Variants in COG7 observed in about 807,000 individuals in gnomAD.
COG7 encodes conserved oligomeric Golgi complex subunit 7.
Under a neutral mutation model 91.5 loss-of-function variants are expected in COG7, and 49 were observed. That is an observed-to-expected ratio of 0.54 (90% CI 0.43 to 0.68). The LOEUF is 0.68. Ranked by LOEUF, COG7 falls within the 30% of genes least tolerant of loss-of-function variation. The pLI is 0.00. For missense variants in COG7, 895 were observed against 961.3 expected (o/e 0.93, Z 0.91); for synonymous variants, 365 against 388.7 (o/e 0.94, Z 0.72).
At chr16:23,449,839 T>C (rs1964240423) in intron 1 of COG7, among the ~76,000 whole-genome samples, 1 of 151,674 alleles carries the variant, frequency 6.6e-6, no homozygotes, top group African/African-American at 2.4e-5. Context: ...AAGGAAAGCA[T>C]TGCAACCCAT....
At chr16:23,398,887 C>G (rs1032241031) in intron 13 of COG7, among the ~76,000 whole-genome samples, 1 of 152,170 alleles carries the variant, frequency 6.6e-6, no homozygotes, top group African/African-American at 2.4e-5. Context: ...GTTGTGGAAG[C>G]CTTCCCAGCA....
At chr16:23,427,484 A>G (rs563694830) in intron 6 of COG7, among the ~76,000 whole-genome samples, 227 of 152,108 alleles carry the variant, frequency 1.5e-3, no homozygotes, top group Non-Finnish European at 2.4e-3. Flanking sequence ...AAAAGAAAAA[A>G]AAAAAACAAA....
At position 23,391,146 on chromosome 16, in the gene COG7, A is replaced by G. The variant is rs1395702722; in HGVS notation, c.2146+1234T>C. ...CTCACTAAGCATGGGAGCTGCCTAA[A>G]GCTTTGTTGTCTCTATCTCCTAGAA... is the stretch of plus-strand genomic sequence containing the variant. On this transcript the variant is annotated intron_variant, in intron 16 of 16. Coordinates refer to ENST00000307149, the MANE Select transcript of COG7 (RefSeq NM_153603.4). Among the ~76,000 whole-genome samples the G allele has an allele frequency of 1.1e-4, 17 of 152,186 alleles. No homozygotes were observed. The East Asian group carries it at 3.1e-3, about 28-fold the overall frequency.
At chr16:23,451,188 G>A (rs1007136529) in intron 1 of COG7, among the ~76,000 whole-genome samples, 4 of 151,010 alleles carry the variant, frequency 2.6e-5, no homozygotes, top group African/African-American at 7.2e-5. Context: ...GCGAGACTTC[G>A]TCTCAAAAAA....
At chr16:23,439,635 T>A (rs536777495) in intron 4 of COG7, among the ~76,000 whole-genome samples, 1 of 152,250 alleles carries the variant, frequency 6.6e-6, no homozygotes, top group Non-Finnish European at 1.5e-5. Context: ...ATAGGAGGCA[T>A]GTAGAGTAGT....
intron 7 of COG7, among the ~76,000 whole-genome samples, chr16:23,419,190 G>A (rs1046118159): frequency 6.6e-6 from 1 of 152,172 alleles, no homozygotes; most frequent in Non-Finnish European, 1.5e-5. Flanking sequence ...CGGATCAACT[G>A]AGGTCAGAAG....
At chr16:23,405,990 G>T in intron 12 of COG7, 86 bp downstream of exon 12, 1 of 1,258,190 alleles carries the variant, frequency 7.9e-7, no homozygotes, top group Non-Finnish European at 1.2e-6. Context: ...CCACACACAG[G>T]GCCCGCCTGT....
At chr16:23,444,415 C>T (rs931605367) in intron 3 of COG7, among the ~76,000 whole-genome samples, 5 of 152,016 alleles carry the variant, frequency 3.3e-5, no homozygotes, top group Non-Finnish European at 7.4e-5. Flanking sequence ...CCCACCAAGT[C>T]CCCAAGGTAT....
chr16:23,417,227 C>G, intron 8 of COG7, 106 bp from the exon 9 acceptor site: 1 of 1,206,598 alleles, frequency 8.3e-7, no homozygotes, highest in Non-Finnish European at 1.2e-6. Flanking sequence ...CACTTAATAA[C>G]GATGTCAGAA....
At chr16:23,407,035 A>T (rs980342327) in intron 11 of COG7, among the ~76,000 whole-genome samples, 5 of 152,196 alleles carry the variant, frequency 3.3e-5, no homozygotes, top group African/African-American at 1.2e-4. Flanking sequence ...ACACATCCCA[A>T]ATGTGGCTAA....
chr16:23,411,625 C>T (rs916347585), intron 10 of COG7, among the ~76,000 whole-genome samples: 15 of 152,250 alleles, frequency 9.9e-5, no homozygotes, highest in African/African-American at 3.6e-4. Context: ...TAAATTTCAT[C>T]AAAACAATCC....
At position 23,442,635 on chromosome 16, in the gene COG7, A is replaced by T; in HGVS notation, c.446T>A (p.Val149Glu). Residue 149 changes from valine to glutamate, a missense_variant, in exon 4 of 17, where the codon GTG (valine) becomes GAG (glutamate). Coordinates refer to ENST00000307149, the MANE Select transcript of COG7 (RefSeq NM_153603.4). ...EETFKTQDIA[V>E]ISAKLTGMQN... The stretch of plus-strand genomic sequence containing the variant: ...CATACCTGTTAGCTTGGCAGAAATC[A>T]CAGCTATGTCCTAGAAAAGACCAGA... The T allele has an allele frequency of 1.9e-6, 3 of 1,613,572 alleles. No individual in the cohort carries two copies. The South Asian group carries it at 3.3e-5, about 18-fold the overall frequency.
chr16:23,433,803 C>A, intron 5 of COG7, 136 bp from the exon 6 acceptor site: 2 of 862,412 alleles, frequency 2.3e-6, no homozygotes, highest in Non-Finnish European at 3.6e-6. Flanking sequence ...GGTCCATTCA[C>A]TTCAAAGAAA....
chr16:23,393,336 G>A lies in COG7; in HGVS notation c.1899C>T (p.Tyr633=), dbSNP rs1296218581. Residue 633 remains tyrosine, a synonymous_variant, in exon 15 of 17, where the codon TAC becomes TAT. Transcript: ENST00000307149. ...CAAGATTCAGGGGGAGGGACATGAT[G>A]TACTGCCCGATCTGAAACAAAAGAA... ...PLEYISNIGQ[Y]IMSLPLNLEP... 1.2e-6 allele frequency: 2 copies of A among 1,613,100 alleles called. No homozygotes were observed. Among genetic ancestry groups the A allele is most frequent in the African/African-American group, 1.3e-5 (1 of 75,012 alleles).
intron 7 of COG7, among the ~76,000 whole-genome samples, chr16:23,423,044 CAA>C (rs34598282): frequency 2.0e-4 from 13 of 63,608 alleles, no homozygotes; most frequent in Admixed American, 5.6e-4. Flanking sequence ...GTCTCTGTCT[CAA>C]AAAAAAAAAA....
rs773470571 is a variant in COG7 at position 23,434,663 on chromosome 16, G to A, written c.660C>T (p.Leu220=). The A allele has an allele frequency of 1.2e-6, 2 of 1,613,946 alleles. No individual in the cohort carries two copies. Among genetic ancestry groups the A allele is most frequent in the Non-Finnish European group, 1.7e-6 (2 of 1,179,812 alleles). ...TGTGACACTTGTAGTAGTAGGCCAG[G>A]AGCTGGGGCATCCGGTCAATTTCAG... ...VFTEIDRMPQ[L]LAYYYKCHKV... Residue 220 remains leucine, a synonymous_variant, in exon 5 of 17, where the codon CTC becomes CTT. Transcript: ENST00000307149.
intron 1 of COG7, among the ~76,000 whole-genome samples, chr16:23,450,459 C>T (rs1283853592): frequency 1.3e-5 from 2 of 152,142 alleles, no homozygotes; most frequent in Non-Finnish European, 2.9e-5. Context: ...GCAAGATAAA[C>T]TTTTCCTCCC....
chr16:23,413,779 TAA>T, intron 9 of COG7: 1 of 498,738 alleles, frequency 2.0e-6, no homozygotes, highest in Non-Finnish European at 3.7e-6. Flanking sequence ...GAGCAGTTTC[TAA>T]AAGAGATGCC....
chr16:23,433,291 G>A (rs1166074820), intron 6 of COG7, among the ~76,000 whole-genome samples: 1 of 152,044 alleles, frequency 6.6e-6, no homozygotes, highest in Non-Finnish European at 1.5e-5. Flanking sequence ...GGGTTTCACC[G>A]TGTTGGCCAG....
Sources: allele counts gnomAD v4.1 joint callset (sites outside exome capture counted in the v4.1 genomes callset), GRCh38; gene constraint gnomAD v4.1.1; transcripts MANE v1.5; gene names NCBI Gene and HGNC (gene_info 2026-07-23, HGNC 2026-07-21).